Variants in CDK17 observed in about 807,000 individuals in gnomAD.
CDK17 encodes the protein cyclin-dependent kinase 17.
CDK17 carries 24 observed loss-of-function variants against 77.6 expected under a neutral mutation model. The observed-to-expected ratio is 0.31, with a 90% CI of 0.22 to 0.44. The LOEUF (loss-of-function observed/expected upper bound fraction) is 0.44. Among genes scored for constraint, CDK17 ranks in the 20% least tolerant of loss-of-function variants. The pLI, the probability that CDK17 is intolerant of heterozygous loss-of-function variation, is 1.00. For missense variants in CDK17, 429 were observed against 622.5 expected (o/e 0.69, Z 3.31); for synonymous variants, 203 against 210.4 (o/e 0.96, Z 0.30).
At chr12:96,379,354 T>C (rs190385703) in intron 1 of CDK17, among the ~76,000 whole-genome samples, 1 of 152,348 alleles carries the variant, frequency 6.6e-6, no homozygotes, top group East Asian at 1.9e-4. Flanking sequence ...AATTAATGTT[T>C]ATATTCTTGA....
intron 1 of CDK17, among the ~76,000 whole-genome samples, chr12:96,361,857 A>T (rs950131635): frequency 1.3e-5 from 2 of 152,240 alleles, no homozygotes; most frequent in Non-Finnish European, 2.9e-5. Flanking sequence ...AGAAGAGAAG[A>T]TTAATGTGGA....
chr12:96,317,229 G>A (rs1037078745), intron 3 of CDK17, among the ~76,000 whole-genome samples: 2 of 150,342 alleles, frequency 1.3e-5, no homozygotes, highest in Admixed American at 6.7e-5. Flanking sequence ...GAAATGAAGT[G>A]AGAAGGGAAG....
chr12:96,291,684 T>A (rs1293500617), intron 10 of CDK17, among the ~76,000 whole-genome samples: 1 of 148,746 alleles, frequency 6.7e-6, no homozygotes, highest in South Asian at 2.2e-4. Flanking sequence ...AGTGGCATGA[T>A]CTTGGCTCAC....
chr12:96,302,836 T>A (rs1952526507), intron 5 of CDK17, among the ~76,000 whole-genome samples: 1 of 152,086 alleles, frequency 6.6e-6, no homozygotes, highest in African/African-American at 2.4e-5. Flanking sequence ...AGAGGTTAAG[T>A]TTAAATTTGA....
intron 5 of CDK17, among the ~76,000 whole-genome samples, chr12:96,307,105 G>A (rs1039477740): frequency 3.3e-5 from 5 of 152,156 alleles, no homozygotes; most frequent in African/African-American, 1.2e-4. Context: ...AGACCAGCCT[G>A]ACCAACATGG....
At chr12:96,370,936 T>C (rs1449652136) in intron 1 of CDK17, among the ~76,000 whole-genome samples, 3 of 152,142 alleles carry the variant, frequency 2.0e-5, no homozygotes, top group Non-Finnish European at 4.4e-5. Flanking sequence ...ACCAAAAAGG[T>C]TGAAAACTCA....
intron 13 of CDK17, among the ~76,000 whole-genome samples, chr12:96,285,005 G>C (rs1565802629): frequency 6.6e-6 from 1 of 152,160 alleles, no homozygotes; most frequent in Non-Finnish European, 1.5e-5. Context: ...GGATGCTGCA[G>C]TCTAGACATT....
intron 1 of CDK17, among the ~76,000 whole-genome samples, chr12:96,342,374 T>C (rs1321684325): frequency 6.6e-6 from 1 of 152,128 alleles, no homozygotes; most frequent in Non-Finnish European, 1.5e-5. Flanking sequence ...TTAGAGACAA[T>C]GTTGTTATTT....
chr12:96,362,040 T>C (rs992816318), intron 1 of CDK17, among the ~76,000 whole-genome samples: 3 of 152,210 alleles, frequency 2.0e-5, no homozygotes, highest in South Asian at 2.1e-4. Flanking sequence ...TATTAATATT[T>C]ATCTTGAAAC....
chr12:96,366,565 A>G (rs1953586087), intron 1 of CDK17, among the ~76,000 whole-genome samples: 1 of 152,220 alleles, frequency 6.6e-6, no homozygotes, highest in Non-Finnish European at 1.5e-5. Context: ...AAATTTTTTA[A>G]AAAATCAGTT....
At chr12:96,373,832 A>C (rs1953733911) in intron 1 of CDK17, among the ~76,000 whole-genome samples, 1 of 151,638 alleles carries the variant, frequency 6.6e-6, no homozygotes, top group Non-Finnish European at 1.5e-5. Context: ...GGGCAGGAGA[A>C]TCGCTTGAAC....
chr12:96,388,878 G>A (rs1954017388), intron 1 of CDK17, among the ~76,000 whole-genome samples: 1 of 152,106 alleles, frequency 6.6e-6, no homozygotes, highest in Non-Finnish European at 1.5e-5. Context: ...CATGGCGAGA[G>A]CAGGAACAAG....
chr12:96,289,099 A>C, intron 11 of CDK17, 68 bp downstream of exon 11: 2 of 1,503,638 alleles, frequency 1.3e-6, no homozygotes, highest in Non-Finnish European at 1.8e-6. Flanking sequence ...ATACTTATCA[A>C]TACATCTTGC....
At chr12:96,280,388 C>T in intron 16 of CDK17, 109 bp from the exon 17 acceptor site, 9 of 1,505,538 alleles carry the variant, frequency 6.0e-6, no homozygotes, top group Non-Finnish European at 7.1e-6. Context: ...GCTAATATTC[C>T]ATGGTAAGAG....
chr12:96,390,004 A>T (rs1368305759), intron 1 of CDK17, among the ~76,000 whole-genome samples: 1 of 151,676 alleles, frequency 6.6e-6, no homozygotes, highest in Non-Finnish European at 1.5e-5. Flanking sequence ...AAATTTCTGT[A>T]TTTTTAGTAG....
intron 5 of CDK17, among the ~76,000 whole-genome samples, chr12:96,308,387 G>C (rs1952603889): frequency 6.6e-6 from 1 of 151,914 alleles, no homozygotes; most frequent in South Asian, 2.1e-4. Flanking sequence ...TTCCAGCCTA[G>C]GTGACAGAGT....
At chr12:96,355,164 C>T (rs76606939) in intron 1 of CDK17, among the ~76,000 whole-genome samples, 12,911 of 152,040 alleles carry the variant, frequency 0.085, 753 homozygotes, top group South Asian at 0.22. Context: ...TCTGCTCCTA[C>T]CCATTCCACT....
At chr12:96,351,850 T>C (rs530142289) in intron 1 of CDK17, among the ~76,000 whole-genome samples, 29 of 152,212 alleles carry the variant, frequency 1.9e-4, no homozygotes, top group Admixed American at 3.9e-4. Flanking sequence ...ACAGAATATA[T>C]CAGGATTAGC....
chr12:96,332,161 T>C (rs1952981788), intron 2 of CDK17, among the ~76,000 whole-genome samples: 2 of 152,348 alleles, frequency 1.3e-5, no homozygotes, highest in South Asian at 4.1e-4. Flanking sequence ...TACAGGTTTG[T>C]AGCCTATAAG....
Sources: allele counts gnomAD v4.1 joint callset (sites outside exome capture counted in the v4.1 genomes callset), GRCh38; gene constraint gnomAD v4.1.1; transcripts MANE v1.5; gene names NCBI Gene and HGNC (gene_info 2026-07-23, HGNC 2026-07-21).